KCNK1: variants seen among roughly 807,000 people sequenced by gnomAD.
KCNK1 encodes potassium channel subfamily K member 1.
In KCNK1, 10 loss-of-function variants were observed where a neutral mutation model predicts 22.2. The observed-to-expected ratio is 0.45, with a 90% confidence interval of 0.28 to 0.76. The LOEUF (loss-of-function observed/expected upper bound fraction) is 0.76. Ranked by LOEUF, KCNK1 falls within the 30% of genes least tolerant of loss-of-function variation. The pLI is 0.14. For synonymous variants in KCNK1, 200 were observed against 186.4 expected (o/e 1.07, Z -0.60); for missense variants, 378 against 421.0 (o/e 0.90, Z 0.89).
At chr1:233,661,649 C>A (rs1436946231) in intron 1 of KCNK1, among the ~76,000 whole-genome samples, 1 of 152,118 alleles carries the variant, frequency 6.6e-6, no homozygotes, top group Non-Finnish European at 1.5e-5. Context: ...TCCCTTGAGC[C>A]TTCTCTCTCT....
intron 1 of KCNK1, among the ~76,000 whole-genome samples, chr1:233,631,876 G>A (rs916399762): frequency 9.2e-5 from 14 of 152,034 alleles, no homozygotes; most frequent in Non-Finnish European, 1.5e-4. Context: ...AGTTTCATCC[G>A]GAAATGTCCC....
chr1:233,635,418 A>G (rs1657880491), intron 1 of KCNK1, among the ~76,000 whole-genome samples: 1 of 152,248 alleles, frequency 6.6e-6, no homozygotes, highest in Admixed American at 6.5e-5. Flanking sequence ...GCAACCTGGA[A>G]TCTGCCTCCA....
chr1:233,649,235 G>A (rs1221987201), intron 1 of KCNK1, among the ~76,000 whole-genome samples: 2 of 152,166 alleles, frequency 1.3e-5, no homozygotes, highest in African/African-American at 2.4e-5. Flanking sequence ...GGGAAAGTTA[G>A]CGTTTGAAAA....
chr1:233,668,424 C>T (rs182097830), intron 2 of KCNK1, among the ~76,000 whole-genome samples: 10 of 152,218 alleles, frequency 6.6e-5, no homozygotes, highest in Middle Eastern at 3.4e-3. Flanking sequence ...CATACAAGTT[C>T]GACAGACTTT....
At chr1:233,656,828 G>A (rs1023125866) in intron 1 of KCNK1, among the ~76,000 whole-genome samples, 20 of 152,082 alleles carry the variant, frequency 1.3e-4, no homozygotes, top group African/African-American at 3.6e-4. Flanking sequence ...ATGTTGACTA[G>A]GGTGATCTTG....
chr1:233,632,284 A>G (rs951232789), intron 1 of KCNK1, among the ~76,000 whole-genome samples: 2 of 151,754 alleles, frequency 1.3e-5, no homozygotes, highest in Admixed American at 6.6e-5. Context: ...TCTGTTTTCT[A>G]CTCTTTTTTT....
Position 233,614,370 on chromosome 1 carries a change from C to T in KCNK1, c.199C>T (p.His67Tyr). The change falls in exon 1 of 3, where the codon CAC (histidine) becomes TAC (tyrosine). Residue 67 changes from histidine to tyrosine, a missense_variant. By Grantham distance (83) the His-to-Tyr change is moderately conservative. Coordinates refer to ENST00000366621, the MANE Select transcript of KCNK1 (RefSeq NM_002245.4). ...RKLKRRFLEE[H>Y]ECLSEQQLEQ... ...GCTGAAGCGACGCTTCTTGGAGGAG[C>T]ACGAGTGCCTGTCTGAGCAGCAGCT... 3 of 1,610,884 alleles carry T rather than the reference C, an allele frequency of 1.9e-6. No individual in the cohort carries two copies. The highest frequency in any genetic ancestry group is 2.5e-6 in the Non-Finnish European group (3 of 1,178,644).
chr1:233,626,465 G>A (rs372199803), intron 1 of KCNK1, among the ~76,000 whole-genome samples: 15 of 152,124 alleles, frequency 9.9e-5, no homozygotes, highest in East Asian at 1.9e-4. Context: ...GGCCACACTC[G>A]GAGTGTAGGT....
chr1:233,669,938 T>C (rs1658567020), intron 2 of KCNK1, among the ~76,000 whole-genome samples: 1 of 152,220 alleles, frequency 6.6e-6, no homozygotes, highest in Admixed American at 6.5e-5. Context: ...ATTCTGAAGA[T>C]ACTAAAACTT....
At chr1:233,626,140 G>A (rs115166166) in intron 1 of KCNK1, among the ~76,000 whole-genome samples, 2,550 of 152,108 alleles carry the variant, frequency 0.017, 48 homozygotes, top group African/African-American at 0.046. Flanking sequence ...ATGCCTCTCG[G>A]TGACTCAGAA....
chr1:233,642,109 C>A (rs1219039693), intron 1 of KCNK1, among the ~76,000 whole-genome samples: 2 of 152,084 alleles, frequency 1.3e-5, no homozygotes, highest in Non-Finnish European at 2.9e-5. Context: ...AGAGAGCTCC[C>A]CTGCGTCTTC....
At position 233,614,130 on chromosome 1, in the gene KCNK1, G is replaced by C; in HGVS notation, c.-42G>C. The C allele has an allele frequency of 1.4e-6, 2 of 1,385,614 alleles. No individual in the cohort carries two copies. Among genetic ancestry groups the C allele is most frequent in the Admixed American group, 2.7e-5 (1 of 36,388 alleles). The allele number at this position is 1,385,614 out of a possible 1,614,324, so 85.8% of individuals were successfully genotyped here. On this transcript the variant is annotated 5_prime_UTR_variant, in exon 1 of 3. Coordinates refer to ENST00000366621, the MANE Select transcript of KCNK1 (RefSeq NM_002245.4). ...CAGAAGAGGCGGCGGGCCGCGCTCC[G>C]GCCGGTCTGCGGCGTTGGCCTTGGC...
intron 1 of KCNK1, chr1:233,649,795 A>G (rs999959242): frequency 5.3e-6 from 2 of 374,824 alleles, no homozygotes; most frequent in Non-Finnish European, 1.1e-5. Flanking sequence ...AGGCTTTAAC[A>G]TATGAATCTG....
chr1:233,616,522 G>C (rs937100007), intron 1 of KCNK1, among the ~76,000 whole-genome samples: 12 of 152,182 alleles, frequency 7.9e-5, no homozygotes, highest in African/African-American at 2.7e-4. Context: ...TAGTTCCTAA[G>C]AAAGTCTGTA....
At chr1:233,622,431 A>G (rs914216120) in intron 1 of KCNK1, among the ~76,000 whole-genome samples, 1 of 152,224 alleles carries the variant, frequency 6.6e-6, no homozygotes. Flanking sequence ...TCAAGGCAGG[A>G]GATAAAGGTT....
At chr1:233,643,302 TG>T (rs1401438509) in intron 1 of KCNK1, among the ~76,000 whole-genome samples, 1 of 151,660 alleles carries the variant, frequency 6.6e-6, no homozygotes, top group Non-Finnish European at 1.5e-5. Flanking sequence ...GAGCAGAGAG[TG>T]GGGAGGCTGT....
intron 1 of KCNK1, chr1:233,649,937 A>G (rs760196520): frequency 3.8e-6 from 2 of 533,308 alleles, no homozygotes; most frequent in Non-Finnish European, 7.7e-6. Flanking sequence ...CCACTAAATG[A>G]TGGGTCCTGA....
intron 1 of KCNK1, among the ~76,000 whole-genome samples, chr1:233,660,874 C>T (rs1038546468): frequency 6.6e-6 from 1 of 152,086 alleles, no homozygotes; most frequent in Non-Finnish European, 1.5e-5. Context: ...TTGATGCATC[C>T]GTGTCCTTTG....
At chr1:233,640,464 A>G (rs992340542) in intron 1 of KCNK1, among the ~76,000 whole-genome samples, 1 of 152,248 alleles carries the variant, frequency 6.6e-6, no homozygotes, top group Non-Finnish European at 1.5e-5. Context: ...ATCTCCATTG[A>G]AAGATAAAAC....
Sources: gnomAD v4.1 joint callset for allele counts (sites outside exome capture counted in the v4.1 genomes callset) on GRCh38, gnomAD v4.1.1 for gene constraint, MANE v1.5 for transcripts, NCBI Gene and HGNC (gene_info 2026-07-23, HGNC 2026-07-21) for gene names.